The following HERC2 variants were observed in gnomAD, a reference collection of about 807,000 sequenced individuals.
HERC2 encodes the protein HECT and RLD domain containing E3 ubiquitin protein ligase 2.
Under a neutral mutation model 537.7 loss-of-function variants are expected in HERC2, and 102 were observed. The observed-to-expected ratio is 0.19, with a 90% CI of 0.16 to 0.22. The LOEUF (loss-of-function observed/expected upper bound fraction) is 0.22. Ranked by LOEUF, HERC2 falls within the 10% of genes least tolerant of loss-of-function variation. The pLI is 1.00. For synonymous variants in HERC2, 2,224 were observed against 2,466.2 expected, an observed-to-expected ratio of 0.90 and a Z score of 2.91; for missense variants, 4,236 against 6,198.2, an observed-to-expected ratio of 0.68 and a Z score of 10.63.
intron 38 of HERC2, among the ~76,000 whole-genome samples, chr15:28,216,472 A>C (rs1472999160): frequency 1.3e-5 from 2 of 150,094 alleles, no homozygotes; most frequent in Non-Finnish European, 3.0e-5. Flanking sequence ...TACTCCCTGA[A>C]TGGAGGCTGA....
chr15:28,210,150 T>G (rs1899009456), intron 44 of HERC2, among the ~76,000 whole-genome samples: 1 of 151,828 alleles, frequency 6.6e-6, no homozygotes, highest in African/African-American at 2.4e-5. Context: ...TATTTATTTT[T>G]TGAGACAGAG....
intron 16 of HERC2, among the ~76,000 whole-genome samples, chr15:28,257,509 C>T (rs1383227312): frequency 1.3e-5 from 2 of 152,154 alleles, no homozygotes; most frequent in Admixed American, 1.3e-4. Flanking sequence ...ACAATCTTTT[C>T]ACTCTCAAAA....
At chr15:28,134,078 T>C (rs1468957191) in intron 79 of HERC2, among the ~76,000 whole-genome samples, 2 of 152,202 alleles carry the variant, frequency 1.3e-5, no homozygotes, top group African/African-American at 2.4e-5. Context: ...AAATTAACAA[T>C]ACTGACTCTT....
chr15:28,137,827 A>C (rs954901506), intron 78 of HERC2, among the ~76,000 whole-genome samples: 4 of 152,226 alleles, frequency 2.6e-5, no homozygotes, highest in Non-Finnish European at 5.9e-5. Context: ...GAAATGATTA[A>C]GATTAGTGAG....
chr15:28,155,679 T>C (rs906631539), intron 69 of HERC2, among the ~76,000 whole-genome samples: 15 of 151,956 alleles, frequency 9.9e-5, no homozygotes, highest in Non-Finnish European at 1.3e-4. Context: ...GTCAGATGAG[T>C]AGATTGCAAA....
chr15:28,168,340 A>G, intron 67 of HERC2, 67 bp downstream of exon 67: 1 of 1,475,902 alleles, frequency 6.8e-7, no homozygotes, highest in Non-Finnish European at 9.3e-7. Context: ...ACACAATGAG[A>G]CTTTCCTAGA....
At chr15:28,304,326 T>A (rs1276972405) in intron 2 of HERC2, among the ~76,000 whole-genome samples, 1 of 151,962 alleles carries the variant, frequency 6.6e-6, no homozygotes, top group South Asian at 2.1e-4. Context: ...CAAGAATAAC[T>A]TGGCATCTTC....
rs750330920 is a variant in HERC2, at chr15:28,174,546, G to T, written c.9906C>A (p.Leu3302=). The T allele has an allele frequency of 2.5e-6, 4 of 1,613,978 alleles. No homozygotes were observed. Among genetic ancestry groups the T allele is most frequent in the Non-Finnish European group, 2.5e-6 (3 of 1,179,878 alleles). ...GTTTVNRKPT[L]VQGLEGQKIT... The stretch of plus-strand genomic sequence containing the variant: ...TCTTCTGGCCTTCTAAGCCTTGCAC[G>T]AGTGTGGGCTTCCTGTTAACCGTGG... Residue 3302 remains leucine, a synonymous_variant, in exon 65 of 93, where the codon CTC becomes CTA. Coordinates refer to ENST00000261609, the MANE Select transcript of HERC2 (RefSeq NM_004667.6).
At chr15:28,288,627 C>G (rs2076225781) in intron 4 of HERC2, among the ~76,000 whole-genome samples, 1 of 151,006 alleles carries the variant, frequency 6.6e-6, no homozygotes, top group Non-Finnish European at 1.5e-5. Flanking sequence ...ACGTGGATCA[C>G]CTAAGGTCAG....
At chr15:28,128,356 G>A (rs570665129) in intron 83 of HERC2, among the ~76,000 whole-genome samples, 12 of 152,302 alleles carry the variant, frequency 7.9e-5, no homozygotes, top group African/African-American at 1.2e-4. Context: ...CTCAGGACGC[G>A]GCAGCAGGAC....
intron 9 of HERC2, 101 bp downstream of exon 9, chr15:28,272,114 C>T (rs906509544): frequency 6.4e-6 from 7 of 1,089,628 alleles, no homozygotes; most frequent in Admixed American, 5.3e-5. Context: ...AACACACACA[C>T]GCCAGAGAAA....
rs1357947630 is a variant in HERC2 at position 28,178,995 on chromosome 15, C to T, written c.9055G>A (p.Ala3019Thr). 6.2e-7 allele frequency: 1 copy of T among 1,614,098 alleles called. No homozygotes were observed. Among genetic ancestry groups the T allele is most frequent in the Non-Finnish European group, 8.5e-7 (1 of 1,180,036 alleles). ...VEGKVYACGE[A>T]TNGRLGLGIS... is the part of the protein sequence containing the mutation. ...CCCAGCCCCAGCCGGCCATTCGTGG[C>T]TTCTCCACAGGCATACACCTTCCCT... Residue 3019 changes from alanine to threonine, a missense_variant, in exon 59 of 93, where the codon GCC becomes ACC. Physicochemically the swap from Ala to Thr is moderately conservative, Grantham distance 58 (BLOSUM62 0). Coordinates refer to ENST00000261609, the MANE Select transcript of HERC2 (RefSeq NM_004667.6).
intron 35 of HERC2, among the ~76,000 whole-genome samples, chr15:28,224,164 CACAG>C (rs1567037406): frequency 3.4e-5 from 5 of 147,092 alleles, no homozygotes; most frequent in African/African-American, 1.1e-4. Context: ...CACACACACA[CACAG>C]AGAGAGAGAG....
At chr15:28,132,298 C>T in intron 80 of HERC2, 37 bp from the exon 81 acceptor site, 3 of 1,564,326 alleles carry the variant, frequency 1.9e-6, no homozygotes, top group Non-Finnish European at 2.6e-6. Flanking sequence ...CCAAGCACAA[C>T]ACAAGAAGGC....
At chr15:28,151,649 G>C (rs559271279) in intron 70 of HERC2, among the ~76,000 whole-genome samples, 5 of 151,948 alleles carry the variant, frequency 3.3e-5, no homozygotes, top group African/African-American at 9.7e-5. Context: ...GAATCACTTC[G>C]GGAGCTACAC....
chr15:28,270,938 C>G, intron 9 of HERC2, 70 bp from the exon 10 acceptor site: 1 of 1,370,196 alleles, frequency 7.3e-7, no homozygotes, highest in Admixed American at 2.0e-5. Flanking sequence ...TTAACCTTTA[C>G]CCACGCTTTA....
At chr15:28,313,923 C>A (rs989468436) in intron 2 of HERC2, among the ~76,000 whole-genome samples, 1 of 152,104 alleles carries the variant, frequency 6.6e-6, no homozygotes, top group African/African-American at 2.4e-5. Context: ...AGGGCCCTCA[C>A]ACAGGAGAAA....
chr15:28,156,699 A>C (rs548864629), intron 69 of HERC2, among the ~76,000 whole-genome samples: 27 of 152,372 alleles, frequency 1.8e-4, no homozygotes, highest in Non-Finnish European at 3.4e-4. Context: ...ATCTGCAAAC[A>C]GGGACAATTT....
rs1247964024 is a variant in HERC2, at chr15:28,122,214, C to A, written c.13189-785G>T. On this transcript the variant is annotated intron_variant, in intron 85 of 92. Transcript: ENST00000261609. The surrounding 1 kb of genome is among the most constrained non-coding windows in gnomAD (Gnocchi z 4.1). ...CAAACATCAGCACCACGGTGAGGAC[C>A]CAGCCGTTCCCCAGGAGGGAGCAGG... is the stretch of plus-strand genomic sequence containing the variant. Among the ~76,000 whole-genome samples the A allele has an allele frequency of 6.6e-6, 1 of 152,196 alleles. No homozygotes were observed. The highest frequency in any genetic ancestry group is 1.5e-5 in the Non-Finnish European group (1 of 68,028).
Sources: allele counts gnomAD v4.1 joint callset (sites outside exome capture counted in the v4.1 genomes callset), GRCh38; gene constraint gnomAD v4.1.1; non-coding constraint Gnocchi (gnomAD v3.1); transcripts MANE v1.5; gene names NCBI Gene and HGNC (gene_info 2026-07-23, HGNC 2026-07-21).